SNX29: variants seen among roughly 807,000 people sequenced by gnomAD.
SNX29 encodes sorting nexin-29.
SNX29 carries 78 observed loss-of-function variants against 102.1 expected under a neutral mutation model. That is an observed-to-expected ratio of 0.76 (90% confidence interval 0.64 to 0.92). The LOEUF is 0.92. Ranked by LOEUF, SNX29 falls within the 40% of genes least tolerant of loss-of-function variation. SNX29 has a pLI of 0.00. For synonymous variants in SNX29, 580 were observed against 414.5 expected (o/e 1.40, Z -4.85); for missense variants, 1,280 against 1,061.7 (o/e 1.21, Z -2.86).
rs142328510 is a variant in SNX29 at position 12,011,506 on chromosome 16, C to G, written c.122+8463C>G. The stretch of plus-strand genomic sequence containing the variant: ...GCCAGGCTGTTCTCAAACTCCTAAC[C>G]TCAGGTGATCCACCCTTCTTGGCCT... On this transcript the variant is annotated intron_variant, in intron 3 of 20. Coordinates refer to ENST00000566228, the MANE Select transcript of SNX29 (RefSeq NM_032167.5). Among the ~76,000 whole-genome samples the G allele has an allele frequency of 1.1e-3, 171 of 151,988 alleles. 2 individuals are homozygous for G. The highest frequency in any genetic ancestry group is 3.9e-3 in the African/African-American group (161 of 41,508).
chr16:12,159,856 C>T (rs1385590340), intron 13 of SNX29, among the ~76,000 whole-genome samples: 1 of 152,178 alleles, frequency 6.6e-6, no homozygotes, highest in African/African-American at 2.4e-5. Flanking sequence ...CTCCCTTATC[C>T]CGTGCTTTTG....
At chr16:12,324,435 T>TTTTGTTTG (rs902614199) in intron 15 of SNX29, among the ~76,000 whole-genome samples, 3 of 152,018 alleles carry the variant, frequency 2.0e-5, no homozygotes, top group African/African-American at 4.8e-5. Flanking sequence ...GGCATCTGTT[T>TTTTGTTTG]TTTGTTTGTT....
intron 18 of SNX29, among the ~76,000 whole-genome samples, chr16:12,438,554 G>A (rs774525924): frequency 3.3e-5 from 5 of 152,204 alleles, no homozygotes; most frequent in African/African-American, 4.8e-5. Context: ...TTTTAACACA[G>A]ACCAGCATTG....
intron 8 of SNX29, among the ~76,000 whole-genome samples, chr16:12,056,644 A>G (rs900532721): frequency 2.6e-5 from 4 of 152,168 alleles, no homozygotes; most frequent in African/African-American, 9.7e-5. Flanking sequence ...GGTCAAAGTT[A>G]GGCTTACTCA....
intron 20 of SNX29, among the ~76,000 whole-genome samples, chr16:12,567,412 G>T (rs187782856): frequency 6.6e-6 from 1 of 152,196 alleles, no homozygotes; most frequent in Non-Finnish European, 1.5e-5. Flanking sequence ...TTCAAATAGC[G>T]TATAGTAGGC....
intron 19 of SNX29, among the ~76,000 whole-genome samples, chr16:12,523,637 G>C (rs1048135708): frequency 6.6e-6 from 1 of 152,200 alleles, no homozygotes; most frequent in Non-Finnish European, 1.5e-5. Flanking sequence ...CGCAGTCCCA[G>C]TGTGGACCCT....
At chr16:12,537,613 A>C (rs1338563549) in intron 20 of SNX29, among the ~76,000 whole-genome samples, 1 of 152,216 alleles carries the variant, frequency 6.6e-6, no homozygotes, top group Non-Finnish European at 1.5e-5. Context: ...CTTCAGTCCC[A>C]AAATGATTGA....
At chr16:12,256,494 G>A (rs375473414) in intron 14 of SNX29, among the ~76,000 whole-genome samples, 10 of 152,170 alleles carry the variant, frequency 6.6e-5, no homozygotes, top group Non-Finnish European at 1.2e-4. Context: ...TGCCCGGCTA[G>A]TTTTTGTATT....
At chr16:12,511,403 C>G (rs781471439) in intron 19 of SNX29, among the ~76,000 whole-genome samples, 4 of 151,932 alleles carry the variant, frequency 2.6e-5, no homozygotes, top group Non-Finnish European at 5.9e-5. Flanking sequence ...TTTCCCAAAG[C>G]TGTTGCAGGG....
chr16:12,204,099 T>A (rs978639956), intron 14 of SNX29, among the ~76,000 whole-genome samples: 1 of 152,184 alleles, frequency 6.6e-6, no homozygotes, highest in Non-Finnish European at 1.5e-5. Context: ...TCAGCTTGTT[T>A]CCACATAGAG....
chr16:12,023,782 G>C (rs902820436), intron 3 of SNX29, among the ~76,000 whole-genome samples: 2 of 152,142 alleles, frequency 1.3e-5, no homozygotes, highest in Non-Finnish European at 2.9e-5. Context: ...GTGTCCACCA[G>C]AAGCTAAAGA....
intron 11 of SNX29, among the ~76,000 whole-genome samples, chr16:12,111,081 C>T (rs1358496003): frequency 1.3e-5 from 2 of 152,098 alleles, no homozygotes; most frequent in East Asian, 1.9e-4. Context: ...CAAAGTACTG[C>T]GATTACACGT....
intron 13 of SNX29, among the ~76,000 whole-genome samples, chr16:12,179,571 C>A (rs1418277931): frequency 6.6e-6 from 1 of 152,212 alleles, no homozygotes; most frequent in Non-Finnish European, 1.5e-5. Flanking sequence ...GAGCCTATGG[C>A]CAGTATATAC....
At chr16:12,077,527 ATTATTCCCAG>A (rs1370830970) in intron 10 of SNX29, among the ~76,000 whole-genome samples, 2 of 151,940 alleles carry the variant, frequency 1.3e-5, no homozygotes, top group African/African-American at 4.8e-5. Context: ...GTTGATTCTT[ATTATTCCCAG>A]TAGTTGTATT....
At chr16:12,112,107 G>A (rs1161734197) in intron 11 of SNX29, among the ~76,000 whole-genome samples, 2 of 152,188 alleles carry the variant, frequency 1.3e-5, no homozygotes, top group Non-Finnish European at 2.9e-5. Context: ...GGGAGCTCTT[G>A]GAGTTTACTG....
In SNX29 at chr16:12,572,132, A is replaced by C. The variant is rs1319937724; in HGVS notation, c.*3503A>C. On this transcript the variant is annotated 3_prime_UTR_variant, in exon 21 of 21. Coordinates refer to ENST00000566228, the MANE Select transcript of SNX29 (RefSeq NM_032167.5). The stretch of plus-strand genomic sequence containing the variant: ...TGATCACAGCCCTTGGCCCTGCTTC[A>C]TACTTTGGAGCTTATTAAGATCAAT... The C allele has an allele frequency of 9.8e-7, 1 of 1,019,368 alleles. No homozygotes were observed. The highest frequency in any genetic ancestry group is 1.2e-6 in the Non-Finnish European group (1 of 837,854). The allele number at this position is 1,019,368 out of a possible 1,614,324, so 63.1% of individuals were successfully genotyped here.
chr16:12,512,354 G>A (rs1157300066), intron 19 of SNX29, among the ~76,000 whole-genome samples: 1 of 118,378 alleles, frequency 8.4e-6, no homozygotes, highest in Non-Finnish European at 1.7e-5. Context: ...CGTCCATCAT[G>A]GAAGGCCCAG....
intron 18 of SNX29, among the ~76,000 whole-genome samples, chr16:12,448,051 G>T (rs2086142603): frequency 6.6e-6 from 1 of 152,212 alleles, no homozygotes; most frequent in Non-Finnish European, 1.5e-5. Flanking sequence ...GCTGATTGTG[G>T]ATGTATGAGG....
At chr16:12,159,484 A>G (rs2055691802) in intron 13 of SNX29, among the ~76,000 whole-genome samples, 1 of 152,214 alleles carries the variant, frequency 6.6e-6, no homozygotes, top group Non-Finnish European at 1.5e-5. Flanking sequence ...AAGTTTCACC[A>G]AAGGATTTTA....
Sources: gnomAD v4.1 joint callset for allele counts (sites outside exome capture counted in the v4.1 genomes callset) on GRCh38, gnomAD v4.1.1 for gene constraint, MANE v1.5 for transcripts, NCBI Gene and HGNC (gene_info 2026-07-23, HGNC 2026-07-21) for gene names.